PCDH9: variants seen among roughly 807,000 people sequenced by gnomAD.
PCDH9 encodes protocadherin 9.
Under a neutral mutation model 70.6 loss-of-function variants are expected in PCDH9, and 24 were observed. The observed-to-expected ratio is 0.34, with a 90% CI of 0.25 to 0.48. PCDH9 has a LOEUF of 0.48. PCDH9 is among the 20% of genes least tolerant of loss of function. The pLI is 0.99. For synonymous variants in PCDH9, 562 were observed against 558.5 expected (o/e 1.01, Z -0.09); for missense variants, 1,281 against 1,503.6 (o/e 0.85, Z 2.45).
chr13:66,903,615 A>G lies in PCDH9; in HGVS notation c.3037-10T>C. Reference sequence around the variant, plus strand: ...TGCTGTGTGAGTTACACTGAAAGAGATTACCAAATAATTGTGACAAACTAC... The same window carrying G: ...TGCTGTGTGAGTTACACTGAAAGAGGTTACCAAATAATTGTGACAAACTAC... On this transcript the variant is annotated splice_polypyrimidine_tract_variant and intron_variant, in intron 2 of 4. Coordinates refer to ENST00000377865, the MANE Select transcript of PCDH9 (RefSeq NM_203487.3). 8.4e-7 allele frequency: 1 copy of G among 1,192,518 alleles called. No homozygotes were observed. Among genetic ancestry groups the G allele is most frequent in the South Asian group, 1.2e-5 (1 of 81,422 alleles). The allele number at this position is 1,192,518 out of a possible 1,614,324, so 73.9% of individuals were successfully genotyped here.
intron 4 of PCDH9, among the ~76,000 whole-genome samples, chr13:66,372,589 T>C (rs4635220): frequency 0.45 from 67,608 of 150,312 alleles, 16,383 homozygotes; most frequent in East Asian, 0.62. Flanking sequence ...CTTTTAAATA[T>C]CAAGCAGAAG....
chr13:67,096,100 G>A (rs974770682), intron 2 of PCDH9, among the ~76,000 whole-genome samples: 6 of 152,026 alleles, frequency 3.9e-5, no homozygotes, highest in Non-Finnish European at 5.9e-5. Context: ...TCAGATACCC[G>A]AATAGAGAAC....
At chr13:66,642,709 A>G (rs1293581276) in intron 3 of PCDH9, among the ~76,000 whole-genome samples, 4 of 152,030 alleles carry the variant, frequency 2.6e-5, no homozygotes, top group Non-Finnish European at 5.9e-5. Flanking sequence ...AAAAAAAGAA[A>G]TCATAAAGTA....
chr13:66,488,233 T>G (rs530757762), intron 4 of PCDH9, among the ~76,000 whole-genome samples: 59 of 152,242 alleles, frequency 3.9e-4, no homozygotes, highest in Middle Eastern at 3.4e-3. Context: ...TGGAGAGAGA[T>G]AGTTCAGAGA....
chr13:66,608,692 C>T (rs1050402990), intron 4 of PCDH9, among the ~76,000 whole-genome samples: 2 of 151,846 alleles, frequency 1.3e-5, no homozygotes. Flanking sequence ...CTGAGCAACA[C>T]TCAGCCCCAA....
intron 3 of PCDH9, among the ~76,000 whole-genome samples, chr13:66,775,936 G>C (rs1472316840): frequency 5.3e-5 from 8 of 151,988 alleles, no homozygotes; most frequent in Non-Finnish European, 1.2e-4. Flanking sequence ...ATGTTACAAG[G>C]GTGCCTATTA....
chr13:66,438,131 G>T (rs1054845708), intron 4 of PCDH9, among the ~76,000 whole-genome samples: 5 of 151,882 alleles, frequency 3.3e-5, no homozygotes, highest in Non-Finnish European at 7.4e-5. Flanking sequence ...ATACTCAGGA[G>T]GCTGAGGCGG....
chr13:67,130,230 G>A (rs536637994), intron 2 of PCDH9, among the ~76,000 whole-genome samples: 1 of 151,946 alleles, frequency 6.6e-6, no homozygotes, highest in South Asian at 2.1e-4. Flanking sequence ...TTCAGTAAAG[G>A]GATTATTTCA....
intron 4 of PCDH9, among the ~76,000 whole-genome samples, chr13:66,530,497 T>C (rs939290601): frequency 6.6e-6 from 1 of 152,038 alleles, no homozygotes; most frequent in Non-Finnish European, 1.5e-5. Context: ...TATCTTTTTT[T>C]ATTCTTAACA....
Position 66,978,413 on chromosome 13 carries a change from A to G in PCDH9, c.3037-74808T>C, listed in dbSNP as rs552060563. ...AAATAAAAGCAATTGCAATTTCTGC[A>G]TGACTGCAAGAAAAATAGATACTAT... On this transcript the variant is annotated intron_variant, in intron 2 of 4. Transcript: ENST00000377865. 2.6e-5 allele frequency: 4 copies of G among 152,134 alleles called. No individual in the cohort carries two copies. In the South Asian group the frequency reaches 8.3e-4, roughly 32 times the overall value. The allele number at this position is 152,134 out of a possible 1,614,324, so 9.4% of individuals were successfully genotyped here.
Position 66,941,096 on chromosome 13 carries a change from G to A in PCDH9, c.3037-37491C>T, listed in dbSNP as rs534567406. The stretch of plus-strand genomic sequence containing the variant: ...ATAAAATACAATTTTACTTTTAGGA[G>A]CTCCTGGTTATAAAATTAGAACTTA... On this transcript the variant is annotated intron_variant, in intron 2 of 4. Coordinates refer to ENST00000377865, the MANE Select transcript of PCDH9 (RefSeq NM_203487.3). Among the ~76,000 whole-genome samples the A allele has an allele frequency of 2.0e-4, 30 of 151,828 alleles. No homozygotes were observed. In the South Asian group the frequency reaches 6.0e-3, roughly 30 times the overall value.
intron 3 of PCDH9, among the ~76,000 whole-genome samples, chr13:66,818,646 T>C (rs1210664793): frequency 6.6e-6 from 1 of 152,092 alleles, no homozygotes; most frequent in Non-Finnish European, 1.5e-5. Flanking sequence ...CAAAAAGGTG[T>C]GATGGGCCAG....
At chr13:66,697,089 C>A (rs1180215800) in intron 3 of PCDH9, among the ~76,000 whole-genome samples, 1 of 151,862 alleles carries the variant, frequency 6.6e-6, no homozygotes, top group Non-Finnish European at 1.5e-5. Context: ...CTGAGCAAAA[C>A]CCTACCTCAA....
intron 2 of PCDH9, among the ~76,000 whole-genome samples, chr13:67,107,111 C>A (rs925092358): frequency 8.5e-5 from 13 of 152,146 alleles, no homozygotes. Context: ...CCCATGTCAG[C>A]CTGAAGCATG....
intron 2 of PCDH9, among the ~76,000 whole-genome samples, chr13:67,047,064 T>C (rs1195139666): frequency 1.3e-5 from 2 of 152,146 alleles, no homozygotes; most frequent in African/African-American, 2.4e-5. Context: ...ATGATACATA[T>C]ATTACGTATT....
chr13:66,955,049 C>T (rs66784265), intron 2 of PCDH9, among the ~76,000 whole-genome samples: 35,215 of 152,154 alleles, frequency 0.23, 4,638 homozygotes, highest in East Asian at 0.61. Flanking sequence ...AGGCGTGAGC[C>T]ACTGAGATAG....
chr13:67,047,230 G>A (rs1366069225), intron 2 of PCDH9, among the ~76,000 whole-genome samples: 1 of 152,152 alleles, frequency 6.6e-6, no homozygotes, highest in Non-Finnish European at 1.5e-5. Flanking sequence ...AAGCTCCACT[G>A]TGATGAAATC....
chr13:67,004,564 A>AAAG (rs1555296177), intron 2 of PCDH9, among the ~76,000 whole-genome samples: 2,640 of 148,060 alleles, frequency 0.018, 34 homozygotes, highest in Non-Finnish European at 0.028. Flanking sequence ...AAAAAAAAAA[A>AAAG]AAAGAAAGAA....
At chr13:67,022,421 A>T (rs2084696655) in intron 2 of PCDH9, among the ~76,000 whole-genome samples, 1 of 152,108 alleles carries the variant, frequency 6.6e-6, no homozygotes. Context: ...GCACCCAGCC[A>T]GGTGATGGTC....
Sources: gnomAD v4.1 joint callset for allele counts (sites outside exome capture counted in the v4.1 genomes callset) on GRCh38, gnomAD v4.1.1 for gene constraint, MANE v1.5 for transcripts, NCBI Gene and HGNC (gene_info 2026-07-23, HGNC 2026-07-21) for gene names.